The following GPC4 variants were observed in gnomAD, a reference collection of about 807,000 sequenced individuals.
The protein encoded by GPC4 is glypican 4.
Under a neutral mutation model 35.0 loss-of-function variants are expected in GPC4, and 10 were observed. The observed-to-expected ratio is 0.29, with a 90% confidence interval of 0.18 to 0.48. The LOEUF (loss-of-function observed/expected upper bound fraction) is 0.48. GPC4 is among the 20% of genes least tolerant of loss of function. The probability of loss-of-function intolerance (pLI) is 0.99; values close to 1 mark genes in which losing one functional copy is unlikely to be tolerated. For synonymous variants in GPC4, 167 were observed against 170.2 expected, an observed-to-expected ratio of 0.98 and a Z score of 0.15; for missense variants, 322 against 451.3, an observed-to-expected ratio of 0.71 and a Z score of 2.60.
intron 1 of GPC4, among the ~76,000 whole-genome samples, chrX:133,413,034 A>G (rs2068819409): frequency 8.9e-6 from 1 of 112,870 alleles, no homozygotes; most frequent in Non-Finnish European, 1.9e-5. Context: ...CTTCACGCCA[A>G]TCATCTCCGC....
rs145030696 is a variant in GPC4, at chrX:133,337,200, G to A, written c.319+1983C>T. On this transcript the variant is annotated intron_variant, in intron 2 of 8. Transcript: ENST00000370828. ...GTTTTGAAACTGATCAAGGCACAGT[G>A]TTAACATATTTATTGAATGTGAAGC... Among the ~76,000 whole-genome samples, 780 of 112,338 alleles carry A rather than the reference G, an allele frequency of 6.9e-3. 10 individuals are homozygous for A. The highest frequency in any genetic ancestry group is 0.024 in the African/African-American group (749 of 30,956).
chrX:133,348,242 A>G (rs1003912858), intron 1 of GPC4, among the ~76,000 whole-genome samples: 1 of 112,271 alleles, frequency 8.9e-6, no homozygotes, highest in Non-Finnish European at 1.9e-5. Flanking sequence ...TAACTATACC[A>G]AAGGTTTATT....
intron 1 of GPC4, among the ~76,000 whole-genome samples, chrX:133,412,082 T>G (rs1253640961): frequency 1.8e-5 from 2 of 111,890 alleles, no homozygotes; most frequent in Non-Finnish European, 3.8e-5. Context: ...TTTGTGATAC[T>G]TCACCTGGAA....
intron 3 of GPC4, among the ~76,000 whole-genome samples, chrX:133,316,828 A>G (rs2068340519): frequency 8.9e-6 from 1 of 112,247 alleles, no homozygotes; most frequent in African/African-American, 3.2e-5. Flanking sequence ...GGATGTGAAG[A>G]GAAAAAAGTT....
chrX:133,392,492 T>C (rs1425038991), intron 1 of GPC4, among the ~76,000 whole-genome samples: 1 of 107,154 alleles, frequency 9.3e-6, no homozygotes, highest in Non-Finnish European at 1.9e-5. Flanking sequence ...CTTATCACTC[T>C]TGTTCATTAC....
chrX:133,388,115 C>A (rs1223880331), intron 1 of GPC4, among the ~76,000 whole-genome samples: 1 of 111,754 alleles, frequency 8.9e-6, no homozygotes. Context: ...CAATGCTGGC[C>A]ATAAGGTAGG....
intron 1 of GPC4, among the ~76,000 whole-genome samples, chrX:133,350,550 A>AAAC (rs746218967): frequency 3.2e-4 from 35 of 111,011 alleles, no homozygotes; most frequent in Non-Finnish European, 4.9e-4. Context: ...CAAAACAAAC[A>AAAC]AACAACAACA....
chrX:133,342,032 A>AT (rs975355748), intron 1 of GPC4, among the ~76,000 whole-genome samples: 4,248 of 72,805 alleles, frequency 0.058, 168 homozygotes, highest in Middle Eastern at 0.12. Context: ...TTTTGGCACT[A>AT]TTTTTTTTTT....
chrX:133,339,952 T>C (rs2068459506), intron 1 of GPC4, among the ~76,000 whole-genome samples: 1 of 111,623 alleles, frequency 9.0e-6, no homozygotes, highest in Non-Finnish European at 1.9e-5. Flanking sequence ...GAGTTTAAGA[T>C]TTTTTTTATC....
chrX:133,324,039 G>T, intron 3 of GPC4, 106 bp downstream of exon 3: 1 of 884,986 alleles, frequency 1.1e-6, no homozygotes, highest in Non-Finnish European at 1.5e-6. Flanking sequence ...GGCTGCCATT[G>T]AACCAACAGA....
intron 1 of GPC4, among the ~76,000 whole-genome samples, chrX:133,405,618 C>T (rs2068784240): frequency 8.9e-6 from 1 of 111,817 alleles, no homozygotes; most frequent in Admixed American, 9.5e-5. Flanking sequence ...ACTGTCCTCT[C>T]TCACTTCTTC....
At chrX:133,336,745 C>T (rs972661450) in intron 2 of GPC4, among the ~76,000 whole-genome samples, 1 of 110,491 alleles carries the variant, frequency 9.1e-6, no homozygotes, top group African/African-American at 3.3e-5. Context: ...TCAGCTACTA[C>T]CCATTAAAAA....
intron 1 of GPC4, among the ~76,000 whole-genome samples, chrX:133,345,169 A>G (rs1225287184): frequency 8.9e-6 from 1 of 112,111 alleles, no homozygotes; most frequent in Non-Finnish European, 1.9e-5. Context: ...AGTTTTATCT[A>G]GAAGTCAGGA....
chrX:133,381,157 T>C (rs939932026), intron 1 of GPC4, among the ~76,000 whole-genome samples: 5 of 111,649 alleles, frequency 4.5e-5, no homozygotes, highest in Non-Finnish European at 9.4e-5. Flanking sequence ...ATACCAACAC[T>C]TCTGGGCAGC....
intron 1 of GPC4, among the ~76,000 whole-genome samples, chrX:133,383,276 T>C (rs756123787): frequency 1.8e-5 from 2 of 110,819 alleles, no homozygotes; most frequent in South Asian, 7.7e-4. Context: ...TATTATTAAG[T>C]GAAAGAAGTC....
intron 1 of GPC4, chrX:133,414,431 C>T: frequency 1.3e-6 from 1 of 746,934 alleles, no homozygotes; most frequent in Non-Finnish European, 1.6e-6. Context: ...GGAGTTCAAC[C>T]CGGAAAAGGA....
chrX:133,377,653 C>A (rs1482281822), intron 1 of GPC4, among the ~76,000 whole-genome samples: 1 of 110,834 alleles, frequency 9.0e-6, no homozygotes, highest in African/African-American at 3.3e-5. Context: ...TATATTAGCT[C>A]CTTTGATCTT....
At chrX:133,395,911 T>C (rs1430714000) in intron 1 of GPC4, among the ~76,000 whole-genome samples, 2 of 111,360 alleles carry the variant, frequency 1.8e-5, no homozygotes, top group African/African-American at 6.5e-5. Flanking sequence ...AGAAGAGAGA[T>C]ATGAGATGAG....
rs757911539 is a variant in GPC4, at chrX:133,409,236, T to C, written c.160+5570A>G. On this transcript the variant is annotated intron_variant, in intron 1 of 8. Transcript: ENST00000370828. Reference sequence around the variant, plus strand: ...TACTCTGGAGGCTGAGGCAGGAGAATTGCTTGAGCCTGGGAGGCAGAGGTT... The same window carrying C: ...TACTCTGGAGGCTGAGGCAGGAGAACTGCTTGAGCCTGGGAGGCAGAGGTT... Among the ~76,000 whole-genome samples, 370 of 99,443 alleles carry C rather than the reference T, an allele frequency of 3.7e-3. 1 individual carries two copies. Among genetic ancestry groups the C allele is most frequent in the Middle Eastern group, 0.012 (2 of 164 alleles). 86.4% of individuals were successfully genotyped at this position (99,443 alleles called of 115,157 possible). A position where few individuals can be genotyped will look rare whatever the true frequency, so the allele number is the denominator to read the frequency against.
Sources: allele counts gnomAD v4.1 joint callset (sites outside exome capture counted in the v4.1 genomes callset), GRCh38; gene constraint gnomAD v4.1.1; transcripts MANE v1.5; gene names NCBI Gene and HGNC (gene_info 2026-07-23, HGNC 2026-07-21).